NAA11: variants seen among roughly 807,000 people sequenced by gnomAD.
NAA11 encodes N-alpha-acetyltransferase 11.
Under a neutral mutation model 16.1 loss-of-function variants are expected in NAA11, and 15 were observed. The observed-to-expected ratio is 0.93, with a 90% CI of 0.62 to 1.44. NAA11 has a LOEUF of 1.44. Ranked by LOEUF, NAA11 falls within the 40% of genes most tolerant of loss-of-function variation. The pLI, the probability that NAA11 is intolerant of heterozygous loss-of-function variation, is 0.00. For missense variants in NAA11, 298 were observed against 291.3 expected (o/e 1.02, Z -0.17); for synonymous variants, 122 against 112.4 (o/e 1.09, Z -0.54).
chr4:79,316,215 G>T (rs546328890), downstream of NAA11, among the ~76,000 whole-genome samples: 1 of 152,262 alleles, frequency 6.6e-6, no homozygotes, highest in African/African-American at 2.4e-5. Flanking sequence ...AGAGACAGAT[G>T]TTAGAAAGCT....
the NAA11 span, among the ~76,000 whole-genome samples, chr4:79,159,370 CA>C: frequency 1.3e-5 from 2 of 152,100 alleles, no homozygotes; most frequent in Non-Finnish European, 2.9e-5. Context: ...AAATGCAAAT[CA>C]AAACCACAAT....
intron 2 of NAA11, among the ~76,000 whole-genome samples, chr4:79,269,277 A>G (rs1441808116): frequency 6.7e-6 from 1 of 148,878 alleles, no homozygotes. Context: ...GAATCGCCAC[A>G]CTGACTTCCA....
downstream of NAA11, among the ~76,000 whole-genome samples, chr4:79,312,089 G>A (rs532999366): frequency 1.3e-5 from 2 of 152,250 alleles, no homozygotes; most frequent in Admixed American, 6.5e-5. Flanking sequence ...CACTGTCCCA[G>A]GATGCAAAAA....
downstream of NAA11, among the ~76,000 whole-genome samples, chr4:79,313,617 G>T (rs762761189): frequency 2.6e-5 from 4 of 152,132 alleles, no homozygotes; most frequent in African/African-American, 9.7e-5. Context: ...TTCACAAAAC[G>T]TAATTCCCAC....
At chr4:79,220,610 G>C in the NAA11 span, among the ~76,000 whole-genome samples, 4 of 151,940 alleles carry the variant, frequency 2.6e-5, no homozygotes. Context: ...GTATTAATTT[G>C]TTTAATTGCA....
chr4:79,160,414 A>G, the NAA11 span, among the ~76,000 whole-genome samples: 4 of 152,168 alleles, frequency 2.6e-5, no homozygotes, highest in Non-Finnish European at 5.9e-5. Flanking sequence ...GCTAGGTCCT[A>G]TGGTAACTTT....
At chr4:79,274,050 A>G (rs1722563470) in intron 2 of NAA11, among the ~76,000 whole-genome samples, 2 of 152,074 alleles carry the variant, frequency 1.3e-5, no homozygotes, top group South Asian at 4.1e-4. Context: ...GGCAGCCTCT[A>G]TCTTGGCCTT....
At chr4:79,200,121 C>T in the NAA11 span, among the ~76,000 whole-genome samples, 1 of 151,880 alleles carries the variant, frequency 6.6e-6, no homozygotes, top group East Asian at 1.9e-4. Flanking sequence ...TGCCAGACAG[C>T]TTGGGCTGGA....
the NAA11 span, among the ~76,000 whole-genome samples, chr4:79,168,888 A>G: frequency 6.6e-6 from 1 of 152,258 alleles, no homozygotes; most frequent in East Asian, 1.9e-4. Flanking sequence ...CCTTAAGCTG[A>G]TAAGCAACTT....
the NAA11 span, among the ~76,000 whole-genome samples, chr4:79,163,771 C>A: frequency 6.6e-6 from 1 of 152,128 alleles, no homozygotes; most frequent in Non-Finnish European, 1.5e-5. Flanking sequence ...ATGAAAAGAT[C>A]CTGTAGCACA....
chr4:79,325,075 C>T (rs1724218466), intron 1 of NAA11, 101 bp downstream of exon 1: 2 of 1,104,706 alleles, frequency 1.8e-6, no homozygotes, highest in Non-Finnish European at 1.3e-6. Context: ...CGTAAAATCT[C>T]GCAGGGCCAG....
chr4:79,207,462 A>G, the NAA11 span, among the ~76,000 whole-genome samples: 3 of 151,582 alleles, frequency 2.0e-5, no homozygotes, highest in African/African-American at 2.4e-5. Context: ...TTTCAATTGC[A>G]TGCACACAAG....
At chr4:79,252,497 T>C (rs904956780) in intron 2 of NAA11, among the ~76,000 whole-genome samples, 5 of 151,762 alleles carry the variant, frequency 3.3e-5, no homozygotes, top group Non-Finnish European at 5.9e-5. Flanking sequence ...ATAAAATAAA[T>C]ATAAAAATGT....
downstream of NAA11, among the ~76,000 whole-genome samples, chr4:79,224,983 T>G (rs1487497485): frequency 6.6e-6 from 1 of 151,998 alleles, no homozygotes; most frequent in Admixed American, 6.6e-5. Context: ...GCACTTGTCA[T>G]AGTCAAGAGA....
chr4:79,184,869 T>C, the NAA11 span, among the ~76,000 whole-genome samples: 11 of 152,210 alleles, frequency 7.2e-5, no homozygotes, highest in African/African-American at 2.2e-4. Flanking sequence ...AAACTAATTA[T>C]ATCAAATTAA....
intron 1 of NAA11, among the ~76,000 whole-genome samples, chr4:79,323,994 C>T (rs1293168026): frequency 7.5e-6 from 1 of 134,102 alleles, no homozygotes; most frequent in Non-Finnish European, 1.6e-5. Flanking sequence ...CAGAACGAGA[C>T]TCTGTCTCAA....
chr4:79,221,663 A>T (rs1721190771), downstream of NAA11, among the ~76,000 whole-genome samples: 1 of 97,000 alleles, frequency 1.0e-5, no homozygotes, highest in Non-Finnish European at 2.4e-5. Flanking sequence ...CTCTGTTTAT[A>T]TGCTGGATTA....
At chr4:79,323,836 G>A (rs575771456) in intron 1 of NAA11, among the ~76,000 whole-genome samples, 94 of 145,928 alleles carry the variant, frequency 6.4e-4, no homozygotes, top group Non-Finnish European at 1.2e-3. Flanking sequence ...AAGAAAAAAA[G>A]ATACAAAAAT....
intron 2 of NAA11, among the ~76,000 whole-genome samples, chr4:79,233,810 T>A (rs1210996046): frequency 6.6e-6 from 1 of 152,074 alleles, no homozygotes; most frequent in Non-Finnish European, 1.5e-5. Context: ...GATGGGAATT[T>A]GATTTAAATT....
Sources: gnomAD v4.1 joint callset for allele counts (sites outside exome capture counted in the v4.1 genomes callset) on GRCh38, gnomAD v4.1.1 for gene constraint, MANE v1.5 for transcripts, NCBI Gene and HGNC (gene_info 2026-07-23, HGNC 2026-07-21) for gene names.